The following THADA variants were observed in gnomAD, a reference collection of about 807,000 sequenced individuals.
The protein encoded by THADA is tRNA (32-2'-O)-methyltransferase regulator THADA.
THADA carries 213 observed loss-of-function variants against 219.8 expected under a neutral mutation model. The ratio of observed to expected loss-of-function variants is 0.97; its 90% CI spans 0.87 to 1.09. The LOEUF is 1.09. THADA is among the 50% of genes least tolerant of loss of function. THADA has a pLI of 0.00. For missense variants in THADA, 2,956 were observed against 2,311.3 expected (o/e 1.28, Z -5.72); for synonymous variants, 1,018 against 828.9 (o/e 1.23, Z -3.92).
At chr2:43,312,163 G>A (rs913975841) in intron 31 of THADA, among the ~76,000 whole-genome samples, 2 of 150,504 alleles carry the variant, frequency 1.3e-5, no homozygotes, top group Admixed American at 1.3e-4. Flanking sequence ...AGGCTGCAGC[G>A]AGCCATGACT....
At chr2:43,570,064 G>A (rs1166244696) in intron 14 of THADA, among the ~76,000 whole-genome samples, 1 of 152,188 alleles carries the variant, frequency 6.6e-6, no homozygotes, top group African/African-American at 2.4e-5. Context: ...GCAGTCTTCT[G>A]CCCTGGAGAG....
chr2:43,325,547 G>A (rs1433795254), intron 30 of THADA, among the ~76,000 whole-genome samples: 1 of 151,842 alleles, frequency 6.6e-6, no homozygotes, highest in African/African-American at 2.4e-5. Context: ...GAAGGAAGAA[G>A]AAAGGAAGGA....
intron 21 of THADA, among the ~76,000 whole-genome samples, chr2:43,533,389 G>C (rs1694143820): frequency 6.6e-6 from 1 of 152,180 alleles, no homozygotes; most frequent in South Asian, 2.1e-4. Context: ...CCATTACTGG[G>C]TATGTACCCA....
At chr2:43,454,600 TAA>T (rs1444861281) in intron 26 of THADA, among the ~76,000 whole-genome samples, 2 of 84,102 alleles carry the variant, frequency 2.4e-5, no homozygotes, top group East Asian at 1.3e-3. Context: ...AGACCCTGTC[TAA>T]ACACACACAC....
At chr2:43,352,541 G>C (rs1329836872) in intron 29 of THADA, among the ~76,000 whole-genome samples, 2 of 151,822 alleles carry the variant, frequency 1.3e-5, no homozygotes, top group East Asian at 1.9e-4. Flanking sequence ...CTGGGTGACA[G>C]AGTGAGACTA....
intron 35 of THADA, among the ~76,000 whole-genome samples, chr2:43,285,517 C>T (rs529443495): frequency 6.6e-6 from 1 of 151,974 alleles, no homozygotes; most frequent in South Asian, 2.1e-4. Flanking sequence ...GACTATGGAA[C>T]TGTGAGTCAA....
rs558808884 is a variant in THADA, at chr2:43,427,910, C to T, written c.4058+190G>A. 3.1e-4 allele frequency among the ~76,000 whole-genome samples: 47 copies of T among 149,398 alleles called. 2 individuals carry two copies. The South Asian group carries it at 9.6e-3, about 31-fold the overall frequency. The stretch of plus-strand genomic sequence containing the variant: ...GGGGGAGCTTGCAGTGAGCCGAGAT[C>T]GCGCCACTGCACTCCAACCCAGGCG... On this transcript the variant is annotated intron_variant, in intron 28 of 37. Coordinates refer to ENST00000405975, the MANE Select transcript of THADA (RefSeq NM_022065.5).
intron 36 of THADA, among the ~76,000 whole-genome samples, chr2:43,259,474 C>T (rs769888814): frequency 4.6e-5 from 7 of 152,212 alleles, no homozygotes; most frequent in Non-Finnish European, 8.8e-5. Context: ...CCTTGCCAGG[C>T]CCCTGTAGGC....
Position 43,250,389 on chromosome 2 carries a change from G to A in THADA, c.5297-17507C>T, listed in dbSNP as rs757127474. On this transcript the variant is annotated intron_variant, in intron 36 of 37. Transcript: ENST00000405975. The stretch of plus-strand genomic sequence containing the variant: ...AGAAAGCAGACTGGCAGTTGCCAGA[G>A]GCCAGGGGATAGTGGGGACTACTTA... 4.5e-4 allele frequency among the ~76,000 whole-genome samples: 69 copies of A among 152,332 alleles called. 1 individual carries two copies. Among genetic ancestry groups the A allele is most frequent in the Admixed American group, 1.2e-3 (18 of 15,298 alleles).
Position 43,428,211 on chromosome 2 carries a change from C to T in THADA, c.3947G>A (p.Arg1316His), listed in dbSNP as rs200421057. The T allele has an allele frequency of 5.2e-5, 83 of 1,600,690 alleles. No homozygotes were observed. Among genetic ancestry groups the T allele is most frequent in the Non-Finnish European group, 6.5e-5 (76 of 1,172,428 alleles). ...TVDSDMGEPN[R>H]HPSMFLLLLV... The stretch of plus-strand genomic sequence containing the variant: ...AAGTAAGAGAAACATGCTTGGATGA[C>T]GATTTGGTTCTCCCATATCACTGAA... Residue 1316 changes from arginine (R) to histidine (H), a missense_variant, in exon 28 of 38, where the codon CGT (arginine) becomes CAT (histidine). Arg to His is a conservative substitution (Grantham distance 29). Transcript: ENST00000405975.
chr2:43,343,854 C>T (rs898025818), intron 30 of THADA: 1 of 345,908 alleles, frequency 2.9e-6, no homozygotes, highest in Non-Finnish European at 5.5e-6. Flanking sequence ...ACTGGGCACG[C>T]AGCAGGTTTC....
At chr2:43,332,032 A>G (rs1665845489) in intron 30 of THADA, among the ~76,000 whole-genome samples, 1 of 152,070 alleles carries the variant, frequency 6.6e-6, no homozygotes, top group African/African-American at 2.4e-5. Context: ...CTTGGCAACA[A>G]AGGTACTATA....
chr2:43,256,987 TGATTCCCA>T (rs1670383584), intron 36 of THADA, among the ~76,000 whole-genome samples: 1 of 152,230 alleles, frequency 6.6e-6, no homozygotes, highest in Non-Finnish European at 1.5e-5. Flanking sequence ...GAGGACTCCC[TGATTCCCA>T]GATCAGTATT....
chr2:43,368,243 T>C (rs1670391597), intron 29 of THADA, among the ~76,000 whole-genome samples: 1 of 152,206 alleles, frequency 6.6e-6, no homozygotes, highest in Non-Finnish European at 1.5e-5. Flanking sequence ...CAGTGTGTCA[T>C]CTATCAGTCA....
chr2:43,344,096 C>T, intron 30 of THADA, 26 bp downstream of exon 30: 1 of 1,528,008 alleles, frequency 6.5e-7, no homozygotes. Flanking sequence ...CTGATAACTC[C>T]TTGCTCATGT....
chr2:43,400,025 T>C (rs1018082396), intron 28 of THADA, among the ~76,000 whole-genome samples: 1 of 152,246 alleles, frequency 6.6e-6, no homozygotes, highest in East Asian at 1.9e-4. Flanking sequence ...TGTGTTACAC[T>C]GTGTTTTATG....
Position 43,508,780 on chromosome 2 carries a change from C to T in THADA, c.3375G>A (p.Arg1125=). Reference sequence around the variant, plus strand: ...GCTTTTGCAGACTCACATTTGGGCACCTAAAAGGCATATATAATCAAATAT... The same window carrying T: ...GCTTTTGCAGACTCACATTTGGGCATCTAAAAGGCATATATAATCAAATAT... ...GFVKLTEVLN[R]CPNVSLQKLP... is the part of the protein sequence containing the mutation. The change falls in exon 23 of 38, where the codon AGG becomes AGA. Residue 1125 remains arginine, a splice_region_variant and synonymous_variant. Coordinates refer to ENST00000405975, the MANE Select transcript of THADA (RefSeq NM_022065.5). The T allele has an allele frequency of 1.2e-6, 2 of 1,612,010 alleles. No homozygotes were observed. The highest frequency in any genetic ancestry group is 8.5e-7 in the Non-Finnish European group (1 of 1,179,136).
In THADA at chr2:43,574,744, T is replaced by C; in HGVS notation, c.1321A>G (p.Thr441Ala). ...CATTCCAATCGTAAAAGACTCTCAG[T>C]CAATTCCACAAAGAAAGGATCAGGG... ...FVPDPFFVELTESLLRLEWHI... is the reference protein window; with the variant it reads ...FVPDPFFVELAESLLRLEWHI... The change falls in exon 11 of 38, where the codon ACT becomes GCT. Residue 441 changes from threonine to alanine, a missense_variant. Transcript: ENST00000405975. The C allele has an allele frequency of 6.2e-7, 1 of 1,614,024 alleles. No homozygotes were observed. The highest frequency in any genetic ancestry group is 8.5e-7 in the Non-Finnish European group (1 of 1,179,892).
Position 43,398,149 on chromosome 2 carries a change from A to T in THADA, c.4059-10T>A, listed in dbSNP as rs1179005998. 6.2e-7 allele frequency: 1 copy of T among 1,612,786 alleles called. No individual in the cohort carries two copies. Among genetic ancestry groups the T allele is most frequent in the Non-Finnish European group, 8.5e-7 (1 of 1,179,190 alleles). ...AGGTGAGTGACCACACCTGGGGAGA[A>T]ATAAAAACACAAGACCATTCAATAG... On this transcript the variant is annotated splice_polypyrimidine_tract_variant and intron_variant, in intron 28 of 37. Transcript: ENST00000405975.
Sources: gnomAD v4.1 joint callset for allele counts (sites outside exome capture counted in the v4.1 genomes callset) on GRCh38, gnomAD v4.1.1 for gene constraint, MANE v1.5 for transcripts, NCBI Gene and HGNC (gene_info 2026-07-23, HGNC 2026-07-21) for gene names.